CEP128: variants seen among roughly 807,000 people sequenced by gnomAD.
CEP128 encodes centrosomal protein 128kDa.
In CEP128, 132 loss-of-function variants were observed where a neutral mutation model predicts 156.7. The observed-to-expected ratio is 0.84, with a 90% CI of 0.73 to 0.97. The LOEUF is 0.97. Ranked by LOEUF, CEP128 falls within the 50% of genes least tolerant of loss-of-function variation. The probability of loss-of-function intolerance (pLI) is 0.00; values close to 1 mark genes in which losing one functional copy is unlikely to be tolerated. For missense variants in CEP128, 1,252 were observed against 1,281.9 expected (o/e 0.98, Z 0.36); for synonymous variants, 469 against 448.9 (o/e 1.04, Z -0.57).
chr14:80,589,337 A>G (rs1448851734), intron 19 of CEP128, among the ~76,000 whole-genome samples: 2 of 152,118 alleles, frequency 1.3e-5, no homozygotes, highest in African/African-American at 4.8e-5. Flanking sequence ...CACACCTTAG[A>G]ACTTTCATTA....
At chr14:80,679,188 TA>T (rs1896211615) in intron 19 of CEP128, among the ~76,000 whole-genome samples, 1 of 152,272 alleles carries the variant, frequency 6.6e-6, no homozygotes, top group Admixed American at 6.5e-5. Flanking sequence ...GTTTGAACAA[TA>T]TGAAATCAGT....
chr14:80,677,767 T>C (rs1299142164), intron 19 of CEP128, among the ~76,000 whole-genome samples: 1 of 151,792 alleles, frequency 6.6e-6, no homozygotes, highest in Non-Finnish European at 1.5e-5. Flanking sequence ...AACATAGCAA[T>C]ATTATTTATC....
chr14:80,673,915 T>TG (rs1485095014), intron 19 of CEP128, among the ~76,000 whole-genome samples: 2 of 152,228 alleles, frequency 1.3e-5, no homozygotes, highest in African/African-American at 4.8e-5. Context: ...TTTGAATCAT[T>TG]GGTCCTTTAT....
At chr14:80,616,433 A>C (rs1280119362) in intron 19 of CEP128, among the ~76,000 whole-genome samples, 7 of 152,180 alleles carry the variant, frequency 4.6e-5, no homozygotes, top group South Asian at 2.1e-4. Flanking sequence ...GACTGTTTTT[A>C]CCACTGGGAA....
At chr14:80,567,344 CAA>C (rs1387558547) in intron 20 of CEP128, among the ~76,000 whole-genome samples, 1 of 151,914 alleles carries the variant, frequency 6.6e-6, no homozygotes, top group Non-Finnish European at 1.5e-5. Context: ...GTGGGGAAAA[CAA>C]AGAAGATGAA....
chr14:80,797,832 A>C (rs898951374), intron 13 of CEP128, among the ~76,000 whole-genome samples: 2 of 152,184 alleles, frequency 1.3e-5, no homozygotes, highest in Admixed American at 6.5e-5. Flanking sequence ...CAAGTAATAA[A>C]TATTATTTTC....
At chr14:80,709,568 T>A (rs1378991620) in intron 19 of CEP128, among the ~76,000 whole-genome samples, 1 of 152,214 alleles carries the variant, frequency 6.6e-6, no homozygotes, top group Non-Finnish European at 1.5e-5. Context: ...CAAGATACAT[T>A]TAATACAAAA....
At chr14:80,580,926 T>A (rs1247733732) in intron 19 of CEP128, among the ~76,000 whole-genome samples, 1 of 152,156 alleles carries the variant, frequency 6.6e-6, no homozygotes, top group African/African-American at 2.4e-5. Flanking sequence ...TAACTGGAAG[T>A]GGAACACCAC....
upstream of CEP128, among the ~76,000 whole-genome samples, chr14:80,943,677 C>A (rs1309392725): frequency 6.6e-6 from 1 of 152,162 alleles, no homozygotes; most frequent in Admixed American, 6.5e-5. Flanking sequence ...TCTCAGTCAA[C>A]AGACGTGGCA....
At chr14:80,885,647 T>C (rs1208600928) in intron 8 of CEP128, among the ~76,000 whole-genome samples, 4 of 152,012 alleles carry the variant, frequency 2.6e-5, no homozygotes, top group Non-Finnish European at 5.9e-5. Flanking sequence ...AGATCAAAGG[T>C]AGATAAATCC....
intron 2 of CEP128, among the ~76,000 whole-genome samples, chr14:80,935,567 T>TAAATAAAC (rs1174800596): frequency 1.4e-5 from 1 of 71,134 alleles, no homozygotes; most frequent in Non-Finnish European, 3.0e-5. Context: ...AATAAATAAA[T>TAAATAAAC]AAATAAATAA....
chr14:80,542,461 TAAAG>T (rs1056377685), intron 21 of CEP128, among the ~76,000 whole-genome samples: 2 of 152,010 alleles, frequency 1.3e-5, no homozygotes, highest in African/African-American at 4.8e-5. Context: ...GACTCAAAAT[TAAAG>T]AAATAATAAA....
intron 8 of CEP128, among the ~76,000 whole-genome samples, chr14:80,881,998 T>C (rs1364274854): frequency 5.9e-5 from 9 of 151,992 alleles, no homozygotes; most frequent in Non-Finnish European, 1.2e-4. Context: ...AACATAGCAC[T>C]AGAAGTCCTA....
chr14:80,870,175 G>C (rs1009318560), intron 8 of CEP128, among the ~76,000 whole-genome samples: 1 of 152,018 alleles, frequency 6.6e-6, no homozygotes, highest in Non-Finnish European at 1.5e-5. Context: ...AACATGTAAA[G>C]AAAAGCTAAT....
chr14:80,753,785 T>C (rs569391924), intron 18 of CEP128, among the ~76,000 whole-genome samples: 3 of 152,292 alleles, frequency 2.0e-5, no homozygotes, highest in Admixed American at 2.0e-4. Flanking sequence ...GGACACTACA[T>C]GATCATTTAT....
intron 15 of CEP128, among the ~76,000 whole-genome samples, chr14:80,782,332 T>C (rs1309653769): frequency 1.3e-5 from 2 of 152,214 alleles, no homozygotes; most frequent in Non-Finnish European, 2.9e-5. Context: ...ACCTCAACTC[T>C]GAAAATTCTT....
At chr14:80,670,259 T>TA (rs1323218397) in intron 19 of CEP128, among the ~76,000 whole-genome samples, 4 of 152,138 alleles carry the variant, frequency 2.6e-5, no homozygotes, top group African/African-American at 9.7e-5. Flanking sequence ...AATCATTATA[T>TA]AAAAAAGATA....
chr14:80,501,300 G>A (rs569078685), intron 24 of CEP128, among the ~76,000 whole-genome samples: 10 of 152,182 alleles, frequency 6.6e-5, no homozygotes, highest in African/African-American at 2.2e-4. Context: ...GGAAGGAGGC[G>A]CAGAAGATGA....
chr14:80,536,626 T>C (rs901098232), intron 21 of CEP128, among the ~76,000 whole-genome samples: 3 of 152,194 alleles, frequency 2.0e-5, no homozygotes, highest in African/African-American at 7.2e-5. Context: ...ATGGATAGAC[T>C]GTATGCCTTT....
Sources: allele counts gnomAD v4.1 joint callset (sites outside exome capture counted in the v4.1 genomes callset), GRCh38; gene constraint gnomAD v4.1.1; transcripts MANE v1.5; gene names NCBI Gene and HGNC (gene_info 2026-07-23, HGNC 2026-07-21).